The following PPM1E variants were observed in gnomAD, a reference collection of about 807,000 sequenced individuals.
PPM1E encodes protein phosphatase, Mg2+/Mn2+ dependent 1E, also known as protein phosphatase 1E.
In PPM1E, 20 loss-of-function variants were observed where a neutral mutation model predicts 65.9. The ratio of observed to expected loss-of-function variants is 0.30; its 90% CI spans 0.21 to 0.44. PPM1E has a LOEUF of 0.44. PPM1E is among the 20% of genes least tolerant of loss of function. The pLI is 1.00. For synonymous variants in PPM1E, 352 were observed against 374.9 expected (o/e 0.94, Z 0.70); for missense variants, 713 against 953.1 (o/e 0.75, Z 3.32).
intron 1 of PPM1E, among the ~76,000 whole-genome samples, chr17:58,897,530 C>A (rs1014722455): frequency 6.6e-6 from 1 of 152,168 alleles, no homozygotes; most frequent in African/African-American, 2.4e-5. Flanking sequence ...TTTATTAACA[C>A]AACATCCCCA....
At chr17:58,977,956 T>C (rs1339650171) in intron 6 of PPM1E, among the ~76,000 whole-genome samples, 1 of 152,218 alleles carries the variant, frequency 6.6e-6, no homozygotes, top group Non-Finnish European at 1.5e-5. Flanking sequence ...ATGGCCAGGC[T>C]GGCTTCGTAC....
rs932661524 is a variant in PPM1E, at chr17:58,983,083, G to T, written c.*2052G>T. 3 of 609,448 alleles carry T rather than the reference G, an allele frequency of 4.9e-6. No homozygotes were observed. Among genetic ancestry groups the T allele is most frequent in the South Asian group, 4.7e-5 (2 of 42,380 alleles). 37.8% of individuals were successfully genotyped at this position (609,448 alleles called of 1,614,324 possible). Reference sequence around the variant, plus strand: ...GTAAAGGGAAAAAGTTACTACACATGCTAGGCTTTCTCAGTGGGGAAAAAA... The same window carrying T: ...GTAAAGGGAAAAAGTTACTACACATTCTAGGCTTTCTCAGTGGGGAAAAAA... On this transcript the variant is annotated 3_prime_UTR_variant, in exon 7 of 7. Transcript: ENST00000308249.
chr17:58,931,435 G>A (rs1360016387), intron 1 of PPM1E, among the ~76,000 whole-genome samples: 2 of 151,908 alleles, frequency 1.3e-5, no homozygotes, highest in African/African-American at 4.8e-5. Context: ...AAGGAGGGAG[G>A]AAGGGAGGAA....
intron 1 of PPM1E, among the ~76,000 whole-genome samples, chr17:58,798,322 G>A (rs1267363653): frequency 5.4e-5 from 8 of 147,064 alleles, no homozygotes; most frequent in South Asian, 2.2e-4. Context: ...TCCACCTCCC[G>A]GGTTCAAGCG....
chr17:58,843,512 TA>T (rs1203907059), intron 1 of PPM1E, among the ~76,000 whole-genome samples: 6 of 150,322 alleles, frequency 4.0e-5, no homozygotes, highest in Non-Finnish European at 8.9e-5. Context: ...AGATCCTGTC[TA>T]AAAAAAATAA....
intron 1 of PPM1E, among the ~76,000 whole-genome samples, chr17:58,803,069 T>C (rs929170791): frequency 1.1e-4 from 16 of 152,194 alleles, no homozygotes; most frequent in African/African-American, 3.9e-4. Context: ...AGTTCTAGTT[T>C]TGTTCTATGT....
chr17:58,814,149 A>G (rs774698253), intron 1 of PPM1E, among the ~76,000 whole-genome samples: 8 of 152,272 alleles, frequency 5.3e-5, no homozygotes, highest in Non-Finnish European at 1.2e-4. Context: ...TTAGGAAATC[A>G]GAGAAGATGT....
At chr17:58,866,882 C>G (rs774385314) in intron 1 of PPM1E, among the ~76,000 whole-genome samples, 8 of 152,118 alleles carry the variant, frequency 5.3e-5, no homozygotes, top group Non-Finnish European at 5.9e-5. Context: ...GAAGTCTCCT[C>G]TAGATTTCTT....
chr17:58,856,156 A>T (rs1351831615), intron 1 of PPM1E, among the ~76,000 whole-genome samples: 6 of 151,936 alleles, frequency 3.9e-5, no homozygotes, highest in Non-Finnish European at 7.4e-5. Flanking sequence ...TAATTGTGAA[A>T]TTTTTTTTGT....
chr17:58,777,983 A>G (rs139527737), intron 1 of PPM1E, among the ~76,000 whole-genome samples: 1,738 of 151,902 alleles, frequency 0.011, 15 homozygotes, highest in Middle Eastern at 0.041. Context: ...AGGCTGGAGT[A>G]CGGTGGCATG....
intron 1 of PPM1E, among the ~76,000 whole-genome samples, chr17:58,941,691 CAAAAAAAAAAA>C (rs772567524): frequency 1.6e-5 from 1 of 63,048 alleles, no homozygotes; most frequent in African/African-American, 6.4e-5. Context: ...GACTCCATCT[CAAAAAAAAAAA>C]AAAAAAAAAT....
intron 3 of PPM1E, chr17:58,966,411 AGTTTTGT>A: frequency 4.2e-6 from 1 of 237,714 alleles, no homozygotes; most frequent in South Asian, 4.0e-5. Flanking sequence ...TCAATAAAGC[AGTTTTGT>A]AAAAAAAAAA....
chr17:58,862,051 T>C (rs569382224), intron 1 of PPM1E, among the ~76,000 whole-genome samples: 1 of 152,358 alleles, frequency 6.6e-6, no homozygotes, highest in East Asian at 1.9e-4. Context: ...TTTTACTCAA[T>C]TACAGTTTTT....
At chr17:58,884,365 G>T (rs967534603) in intron 1 of PPM1E, among the ~76,000 whole-genome samples, 1 of 152,100 alleles carries the variant, frequency 6.6e-6, no homozygotes, top group Admixed American at 6.6e-5. Flanking sequence ...GGCTCATTCA[G>T]CTTTCCTCAC....
chr17:58,789,521 G>A (rs189488785), intron 1 of PPM1E, among the ~76,000 whole-genome samples: 2 of 152,134 alleles, frequency 1.3e-5, no homozygotes, highest in East Asian at 1.9e-4. Context: ...ATGTGTCTCC[G>A]TGAGGTAATC....
chr17:58,933,145 G>C (rs1053460666), intron 1 of PPM1E, among the ~76,000 whole-genome samples: 9 of 152,110 alleles, frequency 5.9e-5, no homozygotes, highest in African/African-American at 2.2e-4. Context: ...TGACAACATC[G>C]CCTAATGATG....
chr17:58,846,423 C>T (rs1161992635), intron 1 of PPM1E, among the ~76,000 whole-genome samples: 1 of 152,136 alleles, frequency 6.6e-6, no homozygotes, highest in Non-Finnish European at 1.5e-5. Flanking sequence ...CTCCCCGTTT[C>T]CCCCATCCTA....
intron 1 of PPM1E, among the ~76,000 whole-genome samples, chr17:58,921,988 C>T (rs377074886): frequency 1.5e-4 from 22 of 149,190 alleles, no homozygotes; most frequent in African/African-American, 5.4e-4. Context: ...TGCAGTGAGC[C>T]GAGATTGCAC....
chr17:58,757,456 A>C (rs774361159), intron 1 of PPM1E, among the ~76,000 whole-genome samples: 7 of 152,238 alleles, frequency 4.6e-5, no homozygotes, highest in Non-Finnish European at 1.0e-4. Context: ...AGAGGAGAAT[A>C]CTAGTAAGTC....
Sources: allele counts gnomAD v4.1 joint callset (sites outside exome capture counted in the v4.1 genomes callset), GRCh38; gene constraint gnomAD v4.1.1; transcripts MANE v1.5; gene names NCBI Gene and HGNC (gene_info 2026-07-23, HGNC 2026-07-21).